Variants in KIAA0825 observed in about 807,000 individuals in gnomAD.
KIAA0825 encodes uncharacterized protein KIAA0825.
In KIAA0825, 119 loss-of-function variants were observed where a neutral mutation model predicts 147.6. That is an observed-to-expected ratio of 0.81 (90% CI 0.69 to 0.94). The LOEUF is 0.94. Among genes scored for constraint, KIAA0825 ranks in the 40% least tolerant of loss-of-function variants. The pLI is 0.00. For missense variants in KIAA0825, 1,381 were observed against 1,472.7 expected (o/e 0.94, Z 1.02); for synonymous variants, 470 against 518.1 (o/e 0.91, Z 1.26).
intron 20 of KIAA0825, among the ~76,000 whole-genome samples, chr5:94,352,919 T>C (rs1043840067): frequency 6.9e-6 from 1 of 145,100 alleles, no homozygotes; most frequent in Non-Finnish European, 1.5e-5. Context: ...CTTTGGGGAC[T>C]TGGGGGGAAG....
chr5:94,540,754 T>C (rs944389528), intron 2 of KIAA0825, among the ~76,000 whole-genome samples: 2 of 152,196 alleles, frequency 1.3e-5, no homozygotes, highest in Non-Finnish European at 2.9e-5. Flanking sequence ...AATGTAAACA[T>C]TGGGTCTAAA....
intron 2 of KIAA0825, among the ~76,000 whole-genome samples, chr5:94,551,418 T>C (rs1775517235): frequency 6.6e-6 from 1 of 152,042 alleles, no homozygotes; most frequent in African/African-American, 2.4e-5. Flanking sequence ...CATATAGTAG[T>C]GAAATTGTCA....
At chr5:94,482,139 C>A (rs1762562730) in intron 6 of KIAA0825, among the ~76,000 whole-genome samples, 1 of 152,036 alleles carries the variant, frequency 6.6e-6, no homozygotes, top group South Asian at 2.1e-4. Flanking sequence ...GACAAAATAT[C>A]TTTTCTTTCT....
intron 20 of KIAA0825, among the ~76,000 whole-genome samples, chr5:94,259,694 GGGAA>G (rs1776405170): frequency 6.6e-6 from 1 of 151,678 alleles, no homozygotes; most frequent in South Asian, 2.1e-4. Context: ...CTCAAGCCTT[GGGAA>G]AGATTAAATT....
intron 13 of KIAA0825, among the ~76,000 whole-genome samples, chr5:94,449,529 C>T (rs557919045): frequency 6.6e-6 from 1 of 152,164 alleles, no homozygotes; most frequent in South Asian, 2.1e-4. Context: ...TGTAACAACA[C>T]TGTTACTCCT....
rs1287469598 is a variant in KIAA0825 at position 94,384,437 on chromosome 5, T to C, written c.3641A>G (p.Asn1214Ser). The change falls in exon 20 of 21, where the codon AAT becomes AGT. Residue 1214 changes from asparagine to serine, a missense_variant. Transcript: ENST00000682413. ...DQVSITKWNW[N>S]WAKLLPNYLR... ...ATAATTTGGCAGCAACTTTGCCCAA[T>C]TCCAGTTCCATTTTGTGATGGCTGA... 28 of 1,551,780 alleles carry C rather than the reference T, an allele frequency of 1.8e-5. No homozygotes were observed. The highest frequency in any genetic ancestry group is 2.3e-5 in the Non-Finnish European group (26 of 1,146,930).
chr5:94,360,339 G>T (rs1259769067), intron 20 of KIAA0825, among the ~76,000 whole-genome samples: 1 of 152,036 alleles, frequency 6.6e-6, no homozygotes, highest in Non-Finnish European at 1.5e-5. Context: ...TACAAGTTTG[G>T]TTAGTGTTGT....
intron 20 of KIAA0825, among the ~76,000 whole-genome samples, chr5:94,334,849 C>T (rs1178941310): frequency 6.6e-6 from 1 of 152,142 alleles, no homozygotes; most frequent in African/African-American, 2.4e-5. Flanking sequence ...TTGGTGAGAT[C>T]TTCAAACTCA....
chr5:94,510,107 G>T (rs916343496), intron 5 of KIAA0825, among the ~76,000 whole-genome samples: 2 of 152,052 alleles, frequency 1.3e-5, no homozygotes, highest in Non-Finnish European at 2.9e-5. Context: ...ATAGATTATT[G>T]TCCACTCCAA....
In KIAA0825 at chr5:94,452,940, G is replaced by A. The variant is rs1002467838; in HGVS notation, c.2357+19C>T. 8.3e-6 allele frequency: 10 copies of A among 1,203,184 alleles called. No homozygotes were observed. Among genetic ancestry groups the A allele is most frequent in the Admixed American group, 3.3e-5 (1 of 29,894 alleles). The allele number at this position is 1,203,184 out of a possible 1,614,324, so 74.5% of individuals were successfully genotyped here. A position where few individuals can be genotyped will look rare whatever the true frequency, so the allele number is the denominator to read the frequency against. On this transcript the variant is annotated intron_variant, in intron 13 of 20. Transcript: ENST00000682413. ...GGAATCATAGAATTATAGATAGTAT[G>A]GCATTTAGAGGCTCTCACCTGAGTA...
chr5:94,458,610 G>C (rs758052526), intron 12 of KIAA0825, among the ~76,000 whole-genome samples: 3 of 151,870 alleles, frequency 2.0e-5, no homozygotes, highest in Non-Finnish European at 4.4e-5. Flanking sequence ...TTAATTTTGC[G>C]TTTTTTAAAA....
rs188195387 is a variant in KIAA0825 at position 94,199,032 on chromosome 5, C to T, written c.3711-44908G>A. 5.9e-5 allele frequency among the ~76,000 whole-genome samples: 9 copies of T among 152,220 alleles called. No individual in the cohort carries two copies. The East Asian group carries it at 7.7e-4, about 13-fold the overall frequency. ...TTTCTTGCCATCCAGATTCTAAATT[C>T]GATATCTGTCATTTCATCCATTTCA... On this transcript the variant is annotated intron_variant, in intron 20 of 20. Coordinates refer to ENST00000682413, the MANE Select transcript of KIAA0825 (RefSeq NM_001145678.3).
chr5:94,169,744 C>A (rs1422552439), intron 20 of KIAA0825, among the ~76,000 whole-genome samples: 1 of 152,064 alleles, frequency 6.6e-6, no homozygotes, highest in African/African-American at 2.4e-5. Flanking sequence ...ATGTTCGGAG[C>A]ACTGTAGGGG....
chr5:94,227,402 T>TG (rs1043101005), intron 20 of KIAA0825, among the ~76,000 whole-genome samples: 3 of 145,934 alleles, frequency 2.1e-5, no homozygotes, highest in Non-Finnish European at 3.0e-5. Context: ...TGTTGTGGGG[T>TG]GGGGGAAGTG....
chr5:94,246,712 G>A (rs890919358), intron 20 of KIAA0825, among the ~76,000 whole-genome samples: 8 of 152,126 alleles, frequency 5.3e-5, no homozygotes, highest in Non-Finnish European at 1.0e-4. Flanking sequence ...TGTTCAGTGT[G>A]CTAGGTATTG....
chr5:94,265,215 G>A (rs563404985), intron 20 of KIAA0825, among the ~76,000 whole-genome samples: 1 of 152,204 alleles, frequency 6.6e-6, no homozygotes, highest in Non-Finnish European at 1.5e-5. Flanking sequence ...ATGTCATAAC[G>A]TTTTGCTTTG....
At chr5:94,170,626 T>C (rs1422910880) in intron 20 of KIAA0825, among the ~76,000 whole-genome samples, 2 of 152,202 alleles carry the variant, frequency 1.3e-5, no homozygotes, top group African/African-American at 4.8e-5. Flanking sequence ...GCTGTACATA[T>C]AGACTGTAAC....
chr5:94,361,366 T>A (rs1745039601), intron 20 of KIAA0825, among the ~76,000 whole-genome samples: 1 of 152,182 alleles, frequency 6.6e-6, no homozygotes, highest in South Asian at 2.1e-4. Context: ...ATCTGCTGCC[T>A]CCAGGGAGAT....
At chr5:94,439,932 G>A (rs527807807) in intron 14 of KIAA0825, 50 bp downstream of exon 14, 92 of 1,509,160 alleles carry the variant, frequency 6.1e-5, no homozygotes, top group Middle Eastern at 3.4e-4. Context: ...TATTCAACTC[G>A]AGCAATGACT....
Sources: gnomAD v4.1 joint callset for allele counts (sites outside exome capture counted in the v4.1 genomes callset) on GRCh38, gnomAD v4.1.1 for gene constraint, MANE v1.5 for transcripts, NCBI Gene and HGNC (gene_info 2026-07-23, HGNC 2026-07-21) for gene names.